Variants in EXOC4 observed in about 807,000 individuals in gnomAD.
EXOC4 encodes SEC8-like 1.
Under a neutral mutation model 107.2 loss-of-function variants are expected in EXOC4, and 71 were observed. The observed-to-expected ratio is 0.66, with a 90% CI of 0.55 to 0.81. The LOEUF (loss-of-function observed/expected upper bound fraction) is 0.81. Ranked by LOEUF, EXOC4 falls within the 30% of genes least tolerant of loss-of-function variation. The pLI, the probability that EXOC4 is intolerant of heterozygous loss-of-function variation, is 0.00. For synonymous variants in EXOC4, 456 were observed against 441.2 expected (o/e 1.03, Z -0.42); for missense variants, 1,108 against 1,189.6 (o/e 0.93, Z 1.01).
At chr7:133,875,593 T>A (rs1312177174) in intron 11 of EXOC4, among the ~76,000 whole-genome samples, 1 of 152,188 alleles carries the variant, frequency 6.6e-6, no homozygotes, top group Non-Finnish European at 1.5e-5. Flanking sequence ...GGTCTACTGA[T>A]GATCAGGAGG....
intron 12 of EXOC4, among the ~76,000 whole-genome samples, chr7:133,907,091 C>A (rs938857269): frequency 2.6e-5 from 4 of 152,144 alleles, no homozygotes; most frequent in African/African-American, 7.2e-5. Context: ...GGGTGTATAC[C>A]AGGGAAACCC....
chr7:133,925,139 T>C (rs1800023188), intron 13 of EXOC4, among the ~76,000 whole-genome samples: 1 of 152,202 alleles, frequency 6.6e-6, no homozygotes, highest in Admixed American at 6.5e-5. Context: ...TTTTTAAAGC[T>C]CAGAGGGCTG....
At chr7:133,542,169 T>TTGTGTGTGTGTGTG (rs3046171) in intron 9 of EXOC4, among the ~76,000 whole-genome samples, 37 of 147,152 alleles carry the variant, frequency 2.5e-4, no homozygotes, top group Admixed American at 1.0e-3. Flanking sequence ...AAATTTTATC[T>TTGTGTGTGTGTGTG]TGTGTGTGTG....
intron 7 of EXOC4, among the ~76,000 whole-genome samples, chr7:133,390,969 TTG>T (rs1796839349): frequency 6.6e-6 from 1 of 152,208 alleles, no homozygotes; most frequent in Admixed American, 6.5e-5. Flanking sequence ...CACAGGGGAA[TTG>T]TGTTCAAAAT....
rs940832667 is a variant in EXOC4 at position 133,757,889 on chromosome 7, A to G, written c.1515-59436A>G. Among the ~76,000 whole-genome samples, 14 of 152,176 alleles carry G rather than the reference A, an allele frequency of 9.2e-5. No homozygotes were observed. The East Asian group carries it at 1.7e-3, about 19-fold the overall frequency. ...AGACTATCTTAAAATTTTTAACACAATTTGCTTAAGTTGACACAAGTAAAT... is the reference window on the plus strand; with the variant it reads ...AGACTATCTTAAAATTTTTAACACAGTTTGCTTAAGTTGACACAAGTAAAT... On this transcript the variant is annotated intron_variant, in intron 10 of 17. Transcript: ENST00000253861.
intron 9 of EXOC4, among the ~76,000 whole-genome samples, chr7:133,595,868 A>G (rs889013205): frequency 2.0e-4 from 30 of 152,304 alleles, no homozygotes; most frequent in African/African-American, 7.0e-4. Context: ...AGATTCTAGT[A>G]TCTCCGCCTG....
At chr7:133,732,214 T>C (rs1240429723) in intron 10 of EXOC4, among the ~76,000 whole-genome samples, 1 of 152,136 alleles carries the variant, frequency 6.6e-6, no homozygotes, top group Non-Finnish European at 1.5e-5. Context: ...CACCACATTT[T>C]CACTTACAAG....
chr7:133,724,644 A>C (rs1795178613), intron 10 of EXOC4, among the ~76,000 whole-genome samples: 1 of 152,228 alleles, frequency 6.6e-6, no homozygotes, highest in Non-Finnish European at 1.5e-5. Flanking sequence ...CAGATAATAG[A>C]TCATTTGGTG....
At chr7:133,912,755 C>CA (rs1799724534) in intron 12 of EXOC4, among the ~76,000 whole-genome samples, 1 of 152,150 alleles carries the variant, frequency 6.6e-6, no homozygotes, top group South Asian at 2.1e-4. Context: ...TTCCAGCTTG[C>CA]AAAAAAGTGT....
At chr7:133,886,758 T>C (rs1290467341) in intron 11 of EXOC4, among the ~76,000 whole-genome samples, 2 of 152,202 alleles carry the variant, frequency 1.3e-5, no homozygotes, top group African/African-American at 2.4e-5. Context: ...CAGTAAATTA[T>C]TTGCATTGCT....
intron 17 of EXOC4, among the ~76,000 whole-genome samples, chr7:134,024,105 C>CA (rs1795083538): frequency 3.3e-5 from 5 of 152,146 alleles, no homozygotes; most frequent in African/African-American, 7.2e-5. Flanking sequence ...CAGTAGAGCT[C>CA]CTACCTAGGG....
In EXOC4 at chr7:134,063,155, G is replaced by A. The variant is rs1796106377; in HGVS notation, c.2688-1136G>A. ...TGTGGCTTCAAATGCCTCATCCCAGGACTCTCTGCTATTGCTCTGCACTCC... is the reference window on the plus strand; with the variant it reads ...TGTGGCTTCAAATGCCTCATCCCAGAACTCTCTGCTATTGCTCTGCACTCC... On this transcript the variant is annotated intron_variant, in intron 17 of 17. Coordinates refer to ENST00000253861, the MANE Select transcript of EXOC4 (RefSeq NM_021807.4). Among the ~76,000 whole-genome samples the A allele has an allele frequency of 2.0e-5, 3 of 152,064 alleles. No individual in the cohort carries two copies. In the South Asian group the frequency reaches 6.2e-4, roughly 32 times the overall value.
chr7:133,365,865 A>T (rs564337852), intron 6 of EXOC4, among the ~76,000 whole-genome samples: 3 of 152,324 alleles, frequency 2.0e-5, no homozygotes, highest in African/African-American at 4.8e-5. Flanking sequence ...TTATAAAATT[A>T]TAAAGTTTTT....
At chr7:133,556,004 A>G (rs973536021) in intron 9 of EXOC4, among the ~76,000 whole-genome samples, 4 of 152,114 alleles carry the variant, frequency 2.6e-5, no homozygotes, top group Middle Eastern at 3.2e-3. Flanking sequence ...GTCACCAGCT[A>G]TGTTCTTCGT....
At chr7:133,298,153 G>T (rs114003142) in intron 3 of EXOC4, among the ~76,000 whole-genome samples, 18 of 152,258 alleles carry the variant, frequency 1.2e-4, no homozygotes, top group African/African-American at 4.1e-4. Context: ...TTTTCTCTGA[G>T]ATTCATCCCA....
chr7:134,025,569 G>A (rs996687645), intron 17 of EXOC4, among the ~76,000 whole-genome samples: 6 of 152,198 alleles, frequency 3.9e-5, no homozygotes, highest in Non-Finnish European at 8.8e-5. Flanking sequence ...GCTAGGGCTG[G>A]AGCATCCGGA....
At chr7:133,988,758 G>A (rs559342227) in intron 14 of EXOC4, among the ~76,000 whole-genome samples, 1 of 152,254 alleles carries the variant, frequency 6.6e-6, no homozygotes, top group East Asian at 1.9e-4. Context: ...GCTTTAGACA[G>A]GTGGTAAATC....
intron 10 of EXOC4, among the ~76,000 whole-genome samples, chr7:133,642,982 C>T (rs1046288294): frequency 3.0e-4 from 45 of 152,188 alleles, no homozygotes; most frequent in Non-Finnish European, 2.9e-5. Context: ...TTTTCCTGTG[C>T]CTGCTCTTAC....
chr7:133,640,031 A>G (rs903453610), intron 10 of EXOC4, among the ~76,000 whole-genome samples: 1 of 152,174 alleles, frequency 6.6e-6, no homozygotes, highest in African/African-American at 2.4e-5. Flanking sequence ...TGAGCTATAC[A>G]TACATACATT....
Sources: allele counts gnomAD v4.1 joint callset (sites outside exome capture counted in the v4.1 genomes callset), GRCh38; gene constraint gnomAD v4.1.1; transcripts MANE v1.5; gene names NCBI Gene and HGNC (gene_info 2026-07-23, HGNC 2026-07-21).